The following PDE4D variants were observed in gnomAD, a reference collection of about 807,000 sequenced individuals.
The protein encoded by PDE4D is 3',5'-cyclic-AMP phosphodiesterase 4D.
PDE4D carries 24 observed loss-of-function variants against 87.4 expected under a neutral mutation model. That is an observed-to-expected ratio of 0.27 (90% CI 0.20 to 0.39). The LOEUF (loss-of-function observed/expected upper bound fraction) is 0.39, where lower values mean the gene tolerates loss of function less well. Among genes scored for constraint, PDE4D ranks in the 10% least tolerant of loss-of-function variants. The pLI, the probability that PDE4D is intolerant of heterozygous loss-of-function variation, is 1.00. For missense variants in PDE4D, 714 were observed against 1,041.0 expected, an observed-to-expected ratio of 0.69 and a Z score of 4.32; for synonymous variants, 384 against 383.2, an observed-to-expected ratio of 1.00 and a Z score of -0.02.
intron 1 of PDE4D, among the ~76,000 whole-genome samples, chr5:60,228,908 G>A (rs909803839): frequency 5.3e-5 from 8 of 151,960 alleles, no homozygotes; most frequent in African/African-American, 1.7e-4. Context: ...CTACCCAGCT[G>A]GGCCCATGTC....
chr5:59,287,266 T>C (rs768434503), intron 1 of PDE4D, among the ~76,000 whole-genome samples: 3 of 152,238 alleles, frequency 2.0e-5, no homozygotes, highest in Non-Finnish European at 2.9e-5. Flanking sequence ...ACATCAGCAG[T>C]AGCCAGACAG....
chr5:59,146,741 A>C (rs968212595), intron 5 of PDE4D, among the ~76,000 whole-genome samples: 2 of 152,214 alleles, frequency 1.3e-5, no homozygotes, highest in African/African-American at 4.8e-5. Context: ...ACTATAAAAA[A>C]CAATTGCCTA....
chr5:60,146,973 T>C (rs1430110922), intron 2 of PDE4D, among the ~76,000 whole-genome samples: 1 of 152,016 alleles, frequency 6.6e-6, no homozygotes, highest in Non-Finnish European at 1.5e-5. Flanking sequence ...ATAATAAATA[T>C]TGGGGAGGAT....
At chr5:59,177,139 T>A (rs1197216249) in intron 5 of PDE4D, among the ~76,000 whole-genome samples, 1 of 152,148 alleles carries the variant, frequency 6.6e-6, no homozygotes, top group Non-Finnish European at 1.5e-5. Flanking sequence ...AGGCCGGGCC[T>A]GTGGGAGGTG....
At chr5:60,481,265 T>C (rs1352418773) in intron 1 of PDE4D, among the ~76,000 whole-genome samples, 1 of 152,184 alleles carries the variant, frequency 6.6e-6, no homozygotes, top group Non-Finnish European at 1.5e-5. Context: ...TGACTTTTAT[T>C]GAAACTGATG....
At chr5:59,640,226 T>C (rs555186003) in intron 1 of PDE4D, among the ~76,000 whole-genome samples, 36 of 152,240 alleles carry the variant, frequency 2.4e-4, no homozygotes, top group African/African-American at 8.2e-4. Context: ...AATTTACAGA[T>C]CTAAGGAAAC....
intron 5 of PDE4D, among the ~76,000 whole-genome samples, chr5:59,043,539 T>A (rs182437665): frequency 5.5e-4 from 82 of 150,204 alleles, no homozygotes; most frequent in Middle Eastern, 3.4e-3. Context: ...ACAAAAAAAA[T>A]TATAACAACT....
At chr5:59,693,336 A>G (rs1751269758) in intron 1 of PDE4D, among the ~76,000 whole-genome samples, 4 of 152,138 alleles carry the variant, frequency 2.6e-5, no homozygotes, top group Admixed American at 2.6e-4. Context: ...AATAGTCAAC[A>G]TGAAAAGTCT....
At chr5:59,916,666 T>C (rs1246075106) in intron 3 of PDE4D, among the ~76,000 whole-genome samples, 3 of 152,332 alleles carry the variant, frequency 2.0e-5, no homozygotes, top group East Asian at 3.9e-4. Flanking sequence ...AACACTGATA[T>C]GTTTGAAATA....
chr5:59,455,786 G>A (rs948023791), intron 1 of PDE4D, among the ~76,000 whole-genome samples: 2 of 152,230 alleles, frequency 1.3e-5, no homozygotes, highest in Admixed American at 1.3e-4. Flanking sequence ...CCAAGACCAT[G>A]GGAACCCACC....
At chr5:59,439,544 T>C (rs1562191399) in intron 1 of PDE4D, among the ~76,000 whole-genome samples, 1 of 152,218 alleles carries the variant, frequency 6.6e-6, no homozygotes, top group Non-Finnish European at 1.5e-5. Flanking sequence ...GTTACTATTC[T>C]AGGCTCTGGG....
At chr5:60,371,991 A>C (rs1761067532) in intron 1 of PDE4D, among the ~76,000 whole-genome samples, 1 of 152,182 alleles carries the variant, frequency 6.6e-6, no homozygotes, top group South Asian at 2.1e-4. Flanking sequence ...TAAAAACGGA[A>C]TTGCTAGGCT....
At chr5:59,310,127 T>C (rs1361077948) in intron 1 of PDE4D, among the ~76,000 whole-genome samples, 4 of 152,186 alleles carry the variant, frequency 2.6e-5, no homozygotes, top group Admixed American at 2.6e-4. Context: ...GTGGCCCTTT[T>C]GGACAGGTGG....
intron 2 of PDE4D, among the ~76,000 whole-genome samples, chr5:60,137,745 CTG>C (rs1173588908): frequency 3.9e-5 from 6 of 152,026 alleles, no homozygotes; most frequent in Non-Finnish European, 7.4e-5. Flanking sequence ...GCTGTTTACT[CTG>C]TTAATATTTT....
chr5:59,105,488 G>A (rs1053321754), intron 5 of PDE4D, among the ~76,000 whole-genome samples: 3 of 152,114 alleles, frequency 2.0e-5, no homozygotes, highest in Admixed American at 2.0e-4. Flanking sequence ...CTGAATGGTA[G>A]CATTATTTGA....
intron 1 of PDE4D, among the ~76,000 whole-genome samples, chr5:59,736,579 T>C (rs999985174): frequency 3.3e-5 from 5 of 151,740 alleles, no homozygotes; most frequent in Admixed American, 2.0e-4. Flanking sequence ...CTCGGAAGGC[T>C]GAGGCACGAG....
intron 1 of PDE4D, among the ~76,000 whole-genome samples, chr5:59,706,974 A>C (rs1342030246): frequency 1.3e-5 from 2 of 152,244 alleles, no homozygotes; most frequent in East Asian, 1.9e-4. Flanking sequence ...TGAAACCAGT[A>C]ATACAGACAT....
chr5:60,023,477 C>A (rs1035138570), intron 2 of PDE4D, among the ~76,000 whole-genome samples: 2 of 152,124 alleles, frequency 1.3e-5, no homozygotes, highest in Non-Finnish European at 2.9e-5. Context: ...AGGCCTGTTT[C>A]TTTTCTTATC....
intron 1 of PDE4D, among the ~76,000 whole-genome samples, chr5:60,358,681 G>A (rs1759817300): frequency 6.6e-6 from 1 of 152,120 alleles, no homozygotes; most frequent in African/African-American, 2.4e-5. Flanking sequence ...AAAGCAAAAT[G>A]CCAAAGCCCC....
Sources: allele counts gnomAD v4.1 joint callset (sites outside exome capture counted in the v4.1 genomes callset), GRCh38; gene constraint gnomAD v4.1.1; transcripts MANE v1.5; gene names NCBI Gene and HGNC (gene_info 2026-07-23, HGNC 2026-07-21).